The following AP2A2 variants were observed in gnomAD, a reference collection of about 807,000 sequenced individuals.
AP2A2 encodes the protein AP-2 complex subunit alpha-2.
Under a neutral mutation model 104.2 loss-of-function variants are expected in AP2A2, and 32 were observed. That is an observed-to-expected ratio of 0.31 (90% confidence interval 0.23 to 0.41). AP2A2 has a LOEUF of 0.41. Ranked by LOEUF, AP2A2 falls within the 10% of genes least tolerant of loss-of-function variation. The pLI, the probability that AP2A2 is intolerant of heterozygous loss-of-function variation, is 1.00. For synonymous variants in AP2A2, 539 were observed against 533.3 expected (o/e 1.01, Z -0.15); for missense variants, 912 against 1,261.0 (o/e 0.72, Z 4.19).
At chr11:926,194 ATGCGGGCGGGGCCCGGGGCCTGAGGG>A in intron 1 of AP2A2, 106 bp downstream of exon 1, 4 of 611,486 alleles carry the variant, frequency 6.5e-6, no homozygotes, top group Non-Finnish European at 8.2e-6. Flanking sequence ...GCAGGCTGGG[ATGCGGGCGGGGCCCGGGGCCTGAGGG>A]TGCGGGCGGC....
At chr11:981,981 C>T (rs917679019) in intron 6 of AP2A2, among the ~76,000 whole-genome samples, 7 of 152,376 alleles carry the variant, frequency 4.6e-5, no homozygotes, top group South Asian at 2.1e-4. Context: ...GAGGCGCGGG[C>T]GCGGCACGCG....
rs184929377 is a variant in AP2A2 at position 936,078 on chromosome 11, T to A, written c.67+9990T>A. ...CACCACGCCTGCCTAATTTTTTTTT[T>A]TTTTATTTTTAGTAGAGATGGGGTT... On this transcript the variant is annotated intron_variant, in intron 1 of 21. Coordinates refer to ENST00000448903, the MANE Select transcript of AP2A2 (RefSeq NM_012305.4). 8.7e-3 allele frequency among the ~76,000 whole-genome samples: 1,314 copies of A among 150,644 alleles called. 39 individuals are homozygous for A. Among genetic ancestry groups the A allele is most frequent in the Admixed American group, 0.052 (790 of 15,102 alleles).
chr11:971,429 G>A (rs1408280587), intron 3 of AP2A2, among the ~76,000 whole-genome samples: 2 of 152,180 alleles, frequency 1.3e-5, no homozygotes, highest in Non-Finnish European at 2.9e-5. Flanking sequence ...GCGTCTTCCT[G>A]GGAGCCGTGG....
chr11:934,319 C>T (rs1853384832), intron 1 of AP2A2, among the ~76,000 whole-genome samples: 1 of 152,132 alleles, frequency 6.6e-6, no homozygotes, highest in South Asian at 2.1e-4. Flanking sequence ...GAGACAGGGT[C>T]TCACTATGTT....
At position 994,407 on chromosome 11, in the gene AP2A2, C is replaced by T. The variant is rs188851187; in HGVS notation, c.1956+162C>T. On this transcript the variant is annotated intron_variant, in intron 14 of 21. Transcript: ENST00000448903. ...TGTCCTGTCCTGGGGGCCACTGTCC[C>T]TGCTGGACACGCTGCTGTCCTGTCC... 1.8e-3 allele frequency among the ~76,000 whole-genome samples: 279 copies of T among 152,174 alleles called. 2 individuals carry two copies. The highest frequency in any genetic ancestry group is 5.4e-3 in the Admixed American group (82 of 15,288).
At chr11:977,277 GGCC>G in intron 5 of AP2A2, 53 bp downstream of exon 5, 1 of 1,534,908 alleles carries the variant, frequency 6.5e-7, no homozygotes, top group Non-Finnish European at 8.8e-7. Context: ...CCTTTGGGAT[GGCC>G]GTTGTGAAGA....
rs1054779683 is a variant in AP2A2, at chr11:1,009,053, C to G, written c.2421-47C>G. The G allele has an allele frequency of 4.7e-6, 7 of 1,487,854 alleles. No homozygotes were observed. The African/African-American group carries it at 9.7e-5, about 21-fold the overall frequency. 92.2% of individuals were successfully genotyped at this position (1,487,854 alleles called of 1,614,324 possible). A position where few individuals can be genotyped will look rare whatever the true frequency, so the allele number is the denominator to read the frequency against. ...GCTCTTTCCCGGTCCCTGGGGCTCT[C>G]AGAGGAGTAGCTGACTGTCTCTTTC... On this transcript the variant is annotated intron_variant, in intron 18 of 21. Transcript: ENST00000448903.
At chr11:991,101 G>A (rs1395884660) in intron 10 of AP2A2, among the ~76,000 whole-genome samples, 6 of 151,462 alleles carry the variant, frequency 4.0e-5, no homozygotes, top group African/African-American at 9.7e-5. Context: ...TTTCAGCCGG[G>A]TATGGTGCTC....
chr11:950,328 T>C lies in AP2A2; in HGVS notation c.68-9109T>C, dbSNP rs1854008833. Among the ~76,000 whole-genome samples the C allele has an allele frequency of 2.6e-5, 4 of 151,496 alleles. No individual in the cohort carries two copies. The South Asian group carries it at 8.4e-4, about 32-fold the overall frequency. On this transcript the variant is annotated intron_variant, in intron 1 of 21. Coordinates refer to ENST00000448903, the MANE Select transcript of AP2A2 (RefSeq NM_012305.4). ...GGAATATGGTTTTTTTTTTTTTTTTTTGACAGAGTTTCGCTCTGTCACCAG... is the reference window on the plus strand; with the variant it reads ...GGAATATGGTTTTTTTTTTTTTTTTCTGACAGAGTTTCGCTCTGTCACCAG...
At position 993,310 on chromosome 11, in the gene AP2A2, G is replaced by A. The variant is rs1163007121; in HGVS notation, c.1479G>A (p.Glu493=). ...FEALQAPACH[E]NLVKVGGYIL... ...CTCTTCAGGCTCCCGCGTGCCACGA[G>A]AACCTGGTCAAAGTGGGCGGCTACA... Residue 493 remains glutamate (E), a synonymous_variant, in exon 12 of 22, where the codon GAG becomes GAA. Transcript: ENST00000448903. This position sits in a 1 kb window ranked among gnomAD's most constrained non-coding sequence, Gnocchi z 8.2. 3 of 1,611,882 alleles carry A rather than the reference G, an allele frequency of 1.9e-6. No homozygotes were observed. The highest frequency in any genetic ancestry group is 1.7e-6 in the Non-Finnish European group (2 of 1,179,360).
chr11:954,714 G>A (rs1046881321), intron 1 of AP2A2, among the ~76,000 whole-genome samples: 19 of 137,544 alleles, frequency 1.4e-4, no homozygotes, highest in Non-Finnish European at 2.7e-4. Flanking sequence ...GTGTGCATGT[G>A]TGTATTTGGT....
chr11:977,297 G>A, intron 5 of AP2A2, 73 bp downstream of exon 5: 1 of 1,510,362 alleles, frequency 6.6e-7, no homozygotes, highest in Non-Finnish European at 8.9e-7. Context: ...AAGACACCAT[G>A]GTGCGCCTTC....
chr11:933,959 T>C (rs1416342698), intron 1 of AP2A2, among the ~76,000 whole-genome samples: 1 of 152,132 alleles, frequency 6.6e-6, no homozygotes, highest in Non-Finnish European at 1.5e-5. Flanking sequence ...GTATCAAGGC[T>C]TCAGCAGGCT....
In AP2A2 at chr11:925,997, C is replaced by A; in HGVS notation, c.-25C>A. 7.2e-7 allele frequency: 1 copy of A among 1,396,042 alleles called. No homozygotes were observed. The highest frequency in any genetic ancestry group is 9.4e-7 in the Non-Finnish European group (1 of 1,060,830). The allele number at this position is 1,396,042 out of a possible 1,614,324, so 86.5% of individuals were successfully genotyped here. A position where few individuals can be genotyped will look rare whatever the true frequency, so the allele number is the denominator to read the frequency against. On this transcript the variant is annotated 5_prime_UTR_variant, in exon 1 of 22. Transcript: ENST00000448903. ...CGCTCCTCCGCCCGGGTCCGCCAGC[C>A]GAGGCCGCTCCCGAGCGTCGGAAGA...
At chr11:994,454 G>A (rs1056046167) in intron 14 of AP2A2, among the ~76,000 whole-genome samples, 8 of 148,996 alleles carry the variant, frequency 5.4e-5, no homozygotes, top group Non-Finnish European at 1.2e-4. Flanking sequence ...GTCCCTGCTG[G>A]ACGCCACGCT....
chr11:1,001,682 C>G (rs1856034924), intron 15 of AP2A2, among the ~76,000 whole-genome samples: 2 of 151,486 alleles, frequency 1.3e-5, no homozygotes, highest in South Asian at 4.2e-4. Flanking sequence ...ATCCAGGTTG[C>G]AGGGCTCTGG....
intron 15 of AP2A2, among the ~76,000 whole-genome samples, chr11:1,002,372 G>A (rs1362649716): frequency 6.6e-6 from 1 of 152,256 alleles, no homozygotes; most frequent in Non-Finnish European, 1.5e-5. Context: ...GCAGTCCCAG[G>A]TGAAGCCCAG....
Position 986,948 on chromosome 11 carries a change from C to T in AP2A2, c.1126C>T (p.Leu376=). 6.3e-7 allele frequency: 1 copy of T among 1,579,946 alleles called. No individual in the cohort carries two copies. Among genetic ancestry groups the T allele is most frequent in the Admixed American group, 1.8e-5 (1 of 54,662 alleles). ...KTHIETVINA[L]KTERDVSVRQ... ...GCACATCGAGACGGTCATCAACGCCCTGAAGGCGAGTGCCCTGTCCTTGGG... is the reference window on the plus strand; with the variant it reads ...GCACATCGAGACGGTCATCAACGCCTTGAAGGCGAGTGCCCTGTCCTTGGG... The change falls in exon 9 of 22, where the codon CTG becomes TTG. Residue 376 remains leucine (L), a synonymous_variant. Transcript: ENST00000448903.
intron 2 of AP2A2, among the ~76,000 whole-genome samples, chr11:960,276 T>C (rs1001443604): frequency 1.3e-5 from 2 of 150,986 alleles, no homozygotes; most frequent in Admixed American, 6.6e-5. Flanking sequence ...GGAGTCTTGC[T>C]CTGTCGCTCA....
Sources: allele counts gnomAD v4.1 joint callset (sites outside exome capture counted in the v4.1 genomes callset), GRCh38; gene constraint gnomAD v4.1.1; non-coding constraint Gnocchi (gnomAD v3.1); transcripts MANE v1.5; gene names NCBI Gene and HGNC (gene_info 2026-07-23, HGNC 2026-07-21).